CTNNA1: variants seen among roughly 807,000 people sequenced by gnomAD.
CTNNA1 encodes catenin alpha 1, also known as catenin alpha-1.
Under a neutral mutation model 98.4 loss-of-function variants are expected in CTNNA1, and 37 were observed. That is an observed-to-expected ratio of 0.38 (90% CI 0.29 to 0.49). The LOEUF is 0.49. Ranked by LOEUF, CTNNA1 falls within the 20% of genes least tolerant of loss-of-function variation. The pLI is 0.95. For synonymous variants in CTNNA1, 404 were observed against 413.2 expected (o/e 0.98, Z 0.27); for missense variants, 761 against 1,147.2 (o/e 0.66, Z 4.86).
chr5:138,904,971 G>A (rs536188979), intron 10 of CTNNA1, among the ~76,000 whole-genome samples: 11 of 151,562 alleles, frequency 7.3e-5, no homozygotes, highest in South Asian at 2.1e-4. Context: ...GCAGGTGCCT[G>A]TAGTGCCAGC....
chr5:138,932,430 T>C, intron 16 of CTNNA1, 148 bp from the exon 17 acceptor site: 1 of 1,455,938 alleles, frequency 6.9e-7, no homozygotes, highest in Non-Finnish European at 9.1e-7. Context: ...GCAAGGGCTG[T>C]GACTGCCTCA....
intron 7 of CTNNA1, among the ~76,000 whole-genome samples, chr5:138,882,024 A>G (rs1753009479): frequency 1.3e-5 from 2 of 152,244 alleles, no homozygotes; most frequent in Non-Finnish European, 2.9e-5. Context: ...CACACAGATT[A>G]CACATGAAGT....
chr5:138,897,371 G>A (rs1339939926), intron 9 of CTNNA1, among the ~76,000 whole-genome samples: 1 of 134,590 alleles, frequency 7.4e-6, no homozygotes, highest in Non-Finnish European at 1.5e-5. Context: ...TGGCTTTATT[G>A]GTTTGAAATG....
intron 5 of CTNNA1, among the ~76,000 whole-genome samples, chr5:138,818,523 C>G (rs182845762): frequency 6.6e-6 from 1 of 152,096 alleles, no homozygotes; most frequent in East Asian, 1.9e-4. Context: ...CTTTCCCTTG[C>G]AGTTGGATTT....
intron 16 of CTNNA1, among the ~76,000 whole-genome samples, chr5:138,931,434 T>C (rs555181675): frequency 6.6e-6 from 1 of 152,328 alleles, no homozygotes; most frequent in East Asian, 1.9e-4. Flanking sequence ...TTACAGTTTT[T>C]CTCTGTAGTT....
intron 7 of CTNNA1, among the ~76,000 whole-genome samples, chr5:138,882,464 C>T (rs527335033): frequency 6.6e-6 from 1 of 152,222 alleles, no homozygotes; most frequent in East Asian, 1.9e-4. Flanking sequence ...CTTTGTTTAG[C>T]GGAAGAGGTT....
At chr5:138,875,520 A>G in intron 7 of CTNNA1, 1 of 985,490 alleles carries the variant, frequency 1.0e-6, no homozygotes, top group Non-Finnish European at 1.2e-6. Context: ...CCTGACTTAA[A>G]AACATGATAT....
At chr5:138,767,286 T>C (rs2149594532) in intron 1 of CTNNA1, among the ~76,000 whole-genome samples, 1 of 152,322 alleles carries the variant, frequency 6.6e-6, no homozygotes, top group East Asian at 1.9e-4. Flanking sequence ...TCTGCCCACC[T>C]TGGACTCCCA....
chr5:138,924,828 A>C, intron 12 of CTNNA1, 118 bp downstream of exon 12: 105 of 907,860 alleles, frequency 1.2e-4, no homozygotes, highest in Non-Finnish European at 1.6e-4. Flanking sequence ...ATTTGGTCTC[A>C]TGGCACATCG....
intron 5 of CTNNA1, among the ~76,000 whole-genome samples, chr5:138,815,118 T>C (rs982252340): frequency 9.9e-5 from 15 of 152,230 alleles, no homozygotes; most frequent in African/African-American, 3.6e-4. Context: ...TTTTTTTCTT[T>C]TTTCCAAAGC....
chr5:138,818,154 G>T (rs1219888424), intron 5 of CTNNA1, among the ~76,000 whole-genome samples: 2 of 144,316 alleles, frequency 1.4e-5, no homozygotes, highest in African/African-American at 5.2e-5. Flanking sequence ...TTTTCAGACA[G>T]GGTCTTGCTC....
At chr5:138,823,181 T>C (rs1760210997) in intron 5 of CTNNA1, among the ~76,000 whole-genome samples, 1 of 152,204 alleles carries the variant, frequency 6.6e-6, no homozygotes, top group Non-Finnish European at 1.5e-5. Context: ...AGCCTTTTTT[T>C]CCCTTCTGAG....
intron 10 of CTNNA1, among the ~76,000 whole-genome samples, chr5:138,907,004 C>T (rs1029265329): frequency 1.3e-5 from 2 of 152,098 alleles, no homozygotes; most frequent in Non-Finnish European, 2.9e-5. Flanking sequence ...TCCTCCTCCT[C>T]CTTCTTTCTT....
intron 5 of CTNNA1, among the ~76,000 whole-genome samples, chr5:138,816,675 C>G (rs947138074): frequency 1.3e-5 from 2 of 150,552 alleles, no homozygotes; most frequent in Non-Finnish European, 3.0e-5. Context: ...TGTATGTCTT[C>G]TTTTGAGAAA....
At chr5:138,804,249 A>G (rs1437569065) in intron 3 of CTNNA1, among the ~76,000 whole-genome samples, 1 of 152,160 alleles carries the variant, frequency 6.6e-6, no homozygotes, top group Non-Finnish European at 1.5e-5. Flanking sequence ...CCAGCTCCAG[A>G]GCCTGTGCTC....
intron 1 of CTNNA1, among the ~76,000 whole-genome samples, chr5:138,762,255 T>C (rs1289814086): frequency 6.6e-6 from 1 of 152,188 alleles, no homozygotes; most frequent in Admixed American, 6.5e-5. Context: ...TACTGCTTGG[T>C]GATCTGCCCT....
rs763256034 is a variant in CTNNA1, at chr5:138,930,911, G to A, written c.2274G>A (p.Lys758=). 3 of 1,613,752 alleles carry A rather than the reference G, an allele frequency of 1.9e-6. No individual in the cohort carries two copies. The highest frequency in any genetic ancestry group is 2.5e-6 in the Non-Finnish European group (3 of 1,179,584). The stretch of plus-strand genomic sequence containing the variant: ...CTGAGGCAGGATCCAGGATGGACAA[G>A]CTTGGCCGCACCATTGCAGACCATG... ...KIAEAGSRMD[K]LGRTIADHCP... The change falls in exon 16 of 18, where the codon AAG becomes AAA. Residue 758 remains lysine, a synonymous_variant. Transcript: ENST00000302763.
At chr5:138,830,732 A>G (rs1761192462) in intron 7 of CTNNA1, among the ~76,000 whole-genome samples, 1 of 152,242 alleles carries the variant, frequency 6.6e-6, no homozygotes, top group African/African-American at 2.4e-5. Flanking sequence ...CATGCAAAGC[A>G]GTGTGTTGGG....
intron 7 of CTNNA1, among the ~76,000 whole-genome samples, chr5:138,838,230 A>G (rs978149173): frequency 6.6e-6 from 1 of 152,248 alleles, no homozygotes; most frequent in Non-Finnish European, 1.5e-5. Context: ...AAGGTTTTAA[A>G]TTATAAATTC....
Sources: allele counts gnomAD v4.1 joint callset (sites outside exome capture counted in the v4.1 genomes callset), GRCh38; gene constraint gnomAD v4.1.1; transcripts MANE v1.5; gene names NCBI Gene and HGNC (gene_info 2026-07-23, HGNC 2026-07-21).